The following ANKRD11 variants were observed in gnomAD, a reference collection of about 807,000 sequenced individuals.
ANKRD11 encodes ankyrin repeat domain-containing protein 11.
In ANKRD11, 17 loss-of-function variants were observed where a neutral mutation model predicts 195.7. The observed-to-expected ratio is 0.09, with a 90% CI of 0.06 to 0.13. ANKRD11 has a LOEUF of 0.13. Among genes scored for constraint, ANKRD11 ranks in the 10% least tolerant of loss-of-function variants. The pLI, the probability that ANKRD11 is intolerant of heterozygous loss-of-function variation, is 1.00. For synonymous variants in ANKRD11, 1,953 were observed against 1,528.1 expected (o/e 1.28, Z -6.49); for missense variants, 3,735 against 3,566.1 (o/e 1.05, Z -1.21).
intron 2 of ANKRD11, among the ~76,000 whole-genome samples, chr16:89,383,441 C>T (rs1310659986): frequency 2.6e-5 from 4 of 152,190 alleles, no homozygotes; most frequent in South Asian, 2.1e-4. Context: ...TTCAGAAAGG[C>T]GCTGTATCTA....
chr16:89,449,840 G>A (rs1027046614), intron 1 of ANKRD11, among the ~76,000 whole-genome samples: 3 of 151,090 alleles, frequency 2.0e-5, no homozygotes, highest in Admixed American at 6.6e-5. Context: ...TAGGTAAGGT[G>A]CTCACATACT....
chr16:89,442,858 G>A (rs964121864), intron 1 of ANKRD11, among the ~76,000 whole-genome samples: 5 of 152,164 alleles, frequency 3.3e-5, no homozygotes, highest in African/African-American at 4.8e-5. Flanking sequence ...GCACAAGCCG[G>A]CCACCACCTC....
chr16:89,288,446 G>C, intron 7 of ANKRD11, 82 bp downstream of exon 7: 3 of 1,602,128 alleles, frequency 1.9e-6, no homozygotes, highest in Non-Finnish European at 2.6e-6. Context: ...TCATGGAACC[G>C]GCTAGCTACG....
At chr16:89,402,827 G>A (rs187304495) in intron 2 of ANKRD11, among the ~76,000 whole-genome samples, 93 of 145,596 alleles carry the variant, frequency 6.4e-4, no homozygotes, top group Admixed American at 2.5e-3. Flanking sequence ...TTGGGGGGGC[G>A]GCACTGCGGG....
intron 4 of ANKRD11, among the ~76,000 whole-genome samples, chr16:89,302,614 A>C (rs568414352): frequency 1.3e-5 from 2 of 152,304 alleles, no homozygotes; most frequent in African/African-American, 4.8e-5. Flanking sequence ...GCAACGCTCC[A>C]CACTCATACA....
intron 2 of ANKRD11, among the ~76,000 whole-genome samples, chr16:89,415,587 C>A (rs1361718313): frequency 6.6e-6 from 1 of 151,492 alleles, no homozygotes; most frequent in East Asian, 1.9e-4. Context: ...TTAAACCCTG[C>A]ATTTTAATGC....
chr16:89,287,011 G>A, intron 7 of ANKRD11: 2 of 1,289,612 alleles, frequency 1.6e-6, no homozygotes, highest in Non-Finnish European at 2.0e-6. Context: ...TTATGTGTGT[G>A]AGTTTTCTAT....
At chr16:89,450,033 C>T (rs147804357) in intron 1 of ANKRD11, among the ~76,000 whole-genome samples, 7 of 152,180 alleles carry the variant, frequency 4.6e-5, no homozygotes, top group African/African-American at 1.7e-4. Flanking sequence ...AAAAGGCATT[C>T]TTTCCCCTCA....
intron 1 of ANKRD11, among the ~76,000 whole-genome samples, chr16:89,467,999 T>TCACC (rs2056942786): frequency 6.6e-6 from 1 of 152,058 alleles, no homozygotes; most frequent in African/African-American, 2.4e-5. Context: ...AGACGGGGTT[T>TCACC]GGTTATGTTG....
At chr16:89,401,847 C>T (rs558293101) in intron 2 of ANKRD11, among the ~76,000 whole-genome samples, 7 of 152,216 alleles carry the variant, frequency 4.6e-5, no homozygotes, top group East Asian at 3.9e-4. Flanking sequence ...CAAGCCCGGG[C>T]GCACCAGAGA....
intron 2 of ANKRD11, among the ~76,000 whole-genome samples, chr16:89,359,703 T>C (rs1242636673): frequency 6.6e-6 from 1 of 152,188 alleles, no homozygotes. Flanking sequence ...TGGGTAACTG[T>C]ACAAGAGGCA....
intron 2 of ANKRD11, among the ~76,000 whole-genome samples, chr16:89,354,650 G>C (rs1313905372): frequency 6.6e-6 from 1 of 152,224 alleles, no homozygotes; most frequent in African/African-American, 2.4e-5. Flanking sequence ...GGGAGGCCGA[G>C]GCAGGTGAAT....
chr16:89,390,852 G>A (rs2041159736), intron 2 of ANKRD11, among the ~76,000 whole-genome samples: 1 of 152,182 alleles, frequency 6.6e-6, no homozygotes, highest in African/African-American at 2.4e-5. Context: ...GCATCTGACT[G>A]TGCATATCCT....
intron 1 of ANKRD11, among the ~76,000 whole-genome samples, chr16:89,479,541 A>T (rs2057372652): frequency 6.6e-6 from 1 of 152,138 alleles, no homozygotes; most frequent in African/African-American, 2.4e-5. Context: ...AGGCTGAGGC[A>T]AGAGAATCAT....
chr16:89,402,681 G>A (rs560788470), intron 2 of ANKRD11, among the ~76,000 whole-genome samples: 20 of 150,116 alleles, frequency 1.3e-4, no homozygotes, highest in African/African-American at 4.2e-4. Flanking sequence ...GTGGTTCTGC[G>A]GGAGGAGGTG....
chr16:89,418,186 A>C, intron 2 of ANKRD11, 98 bp downstream of exon 2: 1 of 431,002 alleles, frequency 2.3e-6, no homozygotes, highest in South Asian at 1.6e-5. Flanking sequence ...TATCAAGTCC[A>C]AGAAAACCAA....
At chr16:89,288,187 C>T in intron 7 of ANKRD11, 3 of 609,196 alleles carry the variant, frequency 4.9e-6, no homozygotes, top group Non-Finnish European at 8.8e-6. Context: ...GTCTAACAGT[C>T]CCACAGTGGT....
chr16:89,391,485 C>T (rs1202083474), intron 2 of ANKRD11, among the ~76,000 whole-genome samples: 1 of 152,170 alleles, frequency 6.6e-6, no homozygotes, highest in Non-Finnish European at 1.5e-5. Context: ...TGCTGCTGGG[C>T]AGAAAGCCCA....
chr16:89,393,438 C>T (rs1212850374), intron 2 of ANKRD11, among the ~76,000 whole-genome samples: 1 of 151,580 alleles, frequency 6.6e-6, no homozygotes, highest in African/African-American at 2.4e-5. Flanking sequence ...ATTCTCCCAC[C>T]TCAGTCCCCC....
Sources: gnomAD v4.1 joint callset for allele counts (sites outside exome capture counted in the v4.1 genomes callset) on GRCh38, gnomAD v4.1.1 for gene constraint, MANE v1.5 for transcripts, NCBI Gene and HGNC (gene_info 2026-07-23, HGNC 2026-07-21) for gene names.